Variants in GANAB observed in about 807,000 individuals in gnomAD.
GANAB encodes neutral alpha-glucosidase AB.
In GANAB, 35 loss-of-function variants were observed where a neutral mutation model predicts 129.9. The ratio of observed to expected loss-of-function variants is 0.27; its 90% CI spans 0.21 to 0.36. The LOEUF (loss-of-function observed/expected upper bound fraction) is 0.36, where lower values mean the gene tolerates loss of function less well. GANAB is among the 10% of genes least tolerant of loss of function. The probability of loss-of-function intolerance (pLI) is 1.00; values close to 1 mark genes in which losing one functional copy is unlikely to be tolerated. For synonymous variants in GANAB, 482 were observed against 451.8 expected, an observed-to-expected ratio of 1.07 and a Z score of -0.85; for missense variants, 939 against 1,221.0, an observed-to-expected ratio of 0.77 and a Z score of 3.44.
At chr11:62,641,950 A>G (rs1178984960) in intron 1 of GANAB, among the ~76,000 whole-genome samples, 1 of 150,466 alleles carries the variant, frequency 6.6e-6, no homozygotes, top group Admixed American at 6.6e-5. Context: ...TAAACCCAGC[A>G]CTTTGGGAGG....
chr11:62,628,705 A>G, intron 17 of GANAB, 64 bp downstream of exon 17: 3 of 1,547,150 alleles, frequency 1.9e-6, no homozygotes, highest in African/African-American at 1.4e-5. Flanking sequence ...CCAGAGATGA[A>G]GCCCAGTCCC....
intron 4 of GANAB, among the ~76,000 whole-genome samples, chr11:62,636,677 T>C (rs1022643021): frequency 1.1e-4 from 16 of 152,014 alleles, no homozygotes; most frequent in African/African-American, 3.9e-4. Flanking sequence ...TAGCCGGGTA[T>C]AGTGACGCAC....
In GANAB at chr11:62,625,235, TG is replaced by T; in HGVS notation, c.*579del. The T allele has an allele frequency of 2.2e-6, 1 of 454,880 alleles. No homozygotes were observed. Among genetic ancestry groups the T allele is most frequent in the Non-Finnish European group, 4.4e-6 (1 of 226,744 alleles). The allele number at this position is 454,880 out of a possible 1,614,324, so 28.2% of individuals were successfully genotyped here. ...AATCGGGGAGAGGAAAAGGGTAGAA[TG>T]AGAGGGAAAAGGATGTTCTTTAGCA... is the stretch of plus-strand genomic sequence containing the variant. On this transcript the variant is annotated 3_prime_UTR_variant, in exon 24 of 24. Coordinates refer to ENST00000356638, the MANE Select transcript of GANAB (RefSeq NM_198334.3).
Position 62,633,251 on chromosome 11 carries a change from C to T in GANAB, c.651G>A (p.Lys217=), listed in dbSNP as rs1270917434. Residue 217 remains lysine, a synonymous_variant, in exon 7 of 24, where the codon AAG becomes AAA. Transcript: ENST00000356638. ...AGGCTCCTGGCTCATCTTTCTCTGCCTTCCCCTGAGTCTCCTCTGGCTGTT... is the reference window on the plus strand; with the variant it reads ...AGGCTCCTGGCTCATCTTTCTCTGCTTTCCCCTGAGTCTCCTCTGGCTGTT... ...DGDKPEETQG[K]AEKDEPGAWE... 2 of 1,613,848 alleles carry T rather than the reference C, an allele frequency of 1.2e-6. No homozygotes were observed. The highest frequency in any genetic ancestry group is 1.3e-5 in the African/African-American group (1 of 74,900).
chr11:62,630,103 G>A (rs1943593270), intron 13 of GANAB, 94 bp downstream of exon 13: 2 of 1,300,652 alleles, frequency 1.5e-6, no homozygotes, highest in Non-Finnish European at 2.2e-6. Flanking sequence ...ATATGTTGCA[G>A]GCAATCAACC....
chr11:62,628,724 C>G lies in GANAB; in HGVS notation c.2180+45G>C, dbSNP rs1943519404. ...AGATGAAGCCCAGTCCCTAATACCC[C>G]CAGCCACCTCAGCCCACTCTTCACA... On this transcript the variant is annotated intron_variant, in intron 17 of 23. Coordinates refer to ENST00000356638, the MANE Select transcript of GANAB (RefSeq NM_198334.3). 1.9e-6 allele frequency: 3 copies of G among 1,599,430 alleles called. No individual in the cohort carries two copies. The East Asian group carries it at 6.7e-5, about 36-fold the overall frequency.
chr11:62,632,913 T>A, intron 8 of GANAB, 92 bp downstream of exon 8: 1 of 997,016 alleles, frequency 1.0e-6, no homozygotes, highest in South Asian at 1.3e-5. Flanking sequence ...GACCCATGCT[T>A]GCCTAGAGTA....
intron 1 of GANAB, among the ~76,000 whole-genome samples, chr11:62,641,853 TAC>T (rs1395971229): frequency 2.0e-5 from 3 of 152,192 alleles, no homozygotes; most frequent in African/African-American, 7.2e-5. Context: ...TAGCTGGGAC[TAC>T]AGTTGCTCGC....
At position 62,625,964 on chromosome 11, in the gene GANAB, G is replaced by A. The variant is rs1164988722; in HGVS notation, c.2726-40C>T. On this transcript the variant is annotated intron_variant, in intron 23 of 23. Coordinates refer to ENST00000356638, the MANE Select transcript of GANAB (RefSeq NM_198334.3). ...AAAGAGTGCCATAGTCATACCAATG[G>A]GCTATAGCATAACAACAACGTTCCT... The A allele has an allele frequency of 2.7e-6, 4 of 1,482,360 alleles. No individual in the cohort carries two copies. The South Asian group carries it at 4.5e-5, about 17-fold the overall frequency. The allele number at this position is 1,482,360 out of a possible 1,614,324, so 91.8% of individuals were successfully genotyped here. A position where few individuals can be genotyped will look rare whatever the true frequency, so the allele number is the denominator to read the frequency against.
At chr11:62,645,185 C>A (rs1423504852) in intron 1 of GANAB, among the ~76,000 whole-genome samples, 1 of 152,162 alleles carries the variant, frequency 6.6e-6, no homozygotes, top group Non-Finnish European at 1.5e-5. Flanking sequence ...GTGACTGCAA[C>A]AGGCACTCTT....
rs1388780994 is a variant in GANAB at position 62,626,604 on chromosome 11, G to A, written c.2478C>T (p.Asp826=). Residue 826 remains aspartate (D), a synonymous_variant, in exon 21 of 24, where the codon GAC becomes GAT. Transcript: ENST00000356638. ...VRRSSECMKD[D]PITLFVALSP... is the part of the protein sequence containing the mutation. ...TAAGTGCAACAAAGAGAGTGATGGG[G>A]TCATCCTTCATACATTCTGAAGACC... is the stretch of plus-strand genomic sequence containing the variant. The A allele has an allele frequency of 6.2e-7, 1 of 1,611,374 alleles. No individual in the cohort carries two copies. The highest frequency in any genetic ancestry group is 1.7e-5 in the Admixed American group (1 of 59,924).
intron 13 of GANAB, 103 bp downstream of exon 13, chr11:62,630,094 T>C: frequency 7.8e-7 from 1 of 1,289,024 alleles, no homozygotes; most frequent in Non-Finnish European, 1.1e-6. Flanking sequence ...GGCCCCCTGA[T>C]ATGTTGCAGG....
rs1219478769 is a variant in GANAB at position 62,646,579 on chromosome 11, C to T, written c.21G>A (p.Val7=). The change falls in exon 1 of 24, where the codon GTG becomes GTA. Residue 7 remains valine (V), a synonymous_variant. Coordinates refer to ENST00000356638, the MANE Select transcript of GANAB (RefSeq NM_198334.3). MAAVAA[V]AARRRRSWAS... is the part of the protein sequence containing the mutation. ...CTCCTCACCGCCTCCTACGCGCCGCCACTGCCGCTACCGCCGCCATCTTGT... is the reference window on the plus strand; with the variant it reads ...CTCCTCACCGCCTCCTACGCGCCGCTACTGCCGCTACCGCCGCCATCTTGT... The T allele has an allele frequency of 6.2e-7, 1 of 1,613,844 alleles. No homozygotes were observed. The highest frequency in any genetic ancestry group is 1.7e-5 in the Admixed American group (1 of 60,024).
intron 14 of GANAB, 56 bp from the exon 15 acceptor site, chr11:62,629,740 T>TAG: frequency 6.2e-7 from 1 of 1,605,068 alleles, no homozygotes; most frequent in Non-Finnish European, 8.5e-7. Flanking sequence ...TGTCATCTGG[T>TAG]GCAAGTTCCC....
Position 62,632,670 on chromosome 11 carries a change from C to T in GANAB, c.891G>A (p.Gly297=), listed in dbSNP as rs202114788. 1.9e-6 allele frequency: 3 copies of T among 1,613,606 alleles called. No individual in the cohort carries two copies. In the South Asian group the frequency reaches 3.3e-5, roughly 18 times the overall value. ...YELYNPMALY[G]SVPVLLAHNP... ...TGTGTGCCAGGAGCACAGGCACAGA[C>T]CCATACAAGGCCATTGGGTTGTACA... The change falls in exon 9 of 24, where the codon GGG becomes GGA. Residue 297 remains glycine (G), a synonymous_variant. Coordinates refer to ENST00000356638, the MANE Select transcript of GANAB (RefSeq NM_198334.3).
At chr11:62,635,534 G>C (rs1043004732) in intron 4 of GANAB, among the ~76,000 whole-genome samples, 1 of 151,658 alleles carries the variant, frequency 6.6e-6, no homozygotes, top group African/African-American at 2.4e-5. Flanking sequence ...GCAGATGAGA[G>C]AGGAAAGGAG....
chr11:62,626,317 G>T lies in GANAB; in HGVS notation c.2624+18C>A. ...GGCCCCAGCAAAGGCAGCCAAGGAA[G>T]AGTGGGTGACCCATTACCTGGAGAC... On this transcript the variant is annotated intron_variant, in intron 22 of 23. Transcript: ENST00000356638. 6.5e-7 allele frequency: 1 copy of T among 1,530,924 alleles called. No homozygotes were observed. 94.8% of individuals were successfully genotyped at this position (1,530,924 alleles called of 1,614,324 possible).
Position 62,633,054 on chromosome 11 carries a change from C to T in GANAB, c.766G>A (p.Val256Ile). The T allele has an allele frequency of 6.2e-7, 1 of 1,612,638 alleles. No individual in the cohort carries two copies. The highest frequency in any genetic ancestry group is 8.5e-7 in the Non-Finnish European group (1 of 1,178,624). The change falls in exon 8 of 24, where the codon GTC (valine) becomes ATC (isoleucine). Residue 256 changes from valine to isoleucine, a missense_variant. Physicochemically the swap from Val to Ile is conservative, Grantham distance 29. Around this residue, in one of 5 missense-constraint regions of GANAB, gnomAD observed 321 missense variants for 329.1 expected, o/e 0.98. Coordinates refer to ENST00000356638, the MANE Select transcript of GANAB (RefSeq NM_198334.3). ...LDFSLPGMEH[V>I]YGIPEHADNL... Reference sequence around the variant, plus strand: ...TCTGCATGCTCAGGGATCCCATAGACATGCTCCATGCCTGGCAGAGAGAAG... The same window carrying T: ...TCTGCATGCTCAGGGATCCCATAGATATGCTCCATGCCTGGCAGAGAGAAG...
rs927236391 is a variant in GANAB at position 62,626,372 on chromosome 11, G to A, written c.2587C>T (p.Arg863Cys). 8.1e-6 allele frequency: 13 copies of A among 1,612,806 alleles called. No homozygotes were observed. The highest frequency in any genetic ancestry group is 4.0e-5 in the African/African-American group (3 of 74,914). ...NYQTRQEFLL[R>C]RFSFSGNTLV... ...GTGTTGCCAGAGAATGAGAATCGAC[G>A]CAGCAGGAACTCTTGGCGAGTCTGA... The change falls in exon 22 of 24, where the codon CGT becomes TGT. Residue 863 changes from arginine to cysteine, a missense_variant. Arg to Cys is a radical substitution (Grantham distance 180). Around this residue, in one of 5 missense-constraint regions of GANAB, gnomAD observed 230 missense variants for 259.9 expected, o/e 0.89. Transcript: ENST00000356638.
Sources: allele counts gnomAD v4.1 joint callset (sites outside exome capture counted in the v4.1 genomes callset), GRCh38; gene constraint gnomAD v4.1.1; regional missense constraint gnomAD v4.1.1; transcripts MANE v1.5; gene names NCBI Gene and HGNC (gene_info 2026-07-23, HGNC 2026-07-21).